The following PCNX4 variants were observed in gnomAD, a reference collection of about 807,000 sequenced individuals.
PCNX4 encodes the protein pecanex-like protein 4.
In PCNX4, 103 loss-of-function variants were observed where a neutral mutation model predicts 107.2. That is an observed-to-expected ratio of 0.96 (90% confidence interval 0.82 to 1.13). PCNX4 has a LOEUF of 1.13. PCNX4 is among the 50% of genes most tolerant of loss of function. PCNX4 has a pLI of 0.00. For synonymous variants in PCNX4, 541 were observed against 481.7 expected (o/e 1.12, Z -1.61); for missense variants, 1,528 against 1,379.4 (o/e 1.11, Z -1.71).
At chr14:60,094,714 A>AC (rs1199870606) in intron 1 of PCNX4, among the ~76,000 whole-genome samples, 2 of 146,060 alleles carry the variant, frequency 1.4e-5, no homozygotes, top group East Asian at 4.1e-4. Context: ...ATTAAGCTGC[A>AC]CCCCCCACCT....
In PCNX4 at chr14:60,108,316, T is replaced by C; in HGVS notation, c.678T>C (p.Asp226=). The change falls in exon 2 of 11, where the codon GAT becomes GAC. Residue 226 remains aspartate (D), a synonymous_variant. Transcript: ENST00000406854. ...ATATTTTTTTCTTTGTTTCTGTGGA[T>C]CTGGCACACAGGTAAAAACCTACCA... ...PLYIFFFVSV[D]LAHRFVVNMP... is the part of the protein sequence containing the mutation. 1.9e-6 allele frequency: 3 copies of C among 1,605,834 alleles called. No homozygotes were observed. The highest frequency in any genetic ancestry group is 2.6e-6 in the Non-Finnish European group (3 of 1,176,416).
At position 60,142,691 on chromosome 14, in the gene PCNX4, C is replaced by T. The variant is rs1011948890; in HGVS notation, c.*8470C>T. On this transcript the variant is annotated 3_prime_UTR_variant, in exon 11 of 11. Coordinates refer to ENST00000406854, the MANE Select transcript of PCNX4 (RefSeq NM_001330177.2). This position sits in a 1 kb window ranked among gnomAD's most constrained non-coding sequence, Gnocchi z 4.7. Reference sequence around the variant, plus strand: ...GAAAATTACATGCCATAGAAAAATACCATACACAGGCCGGGAGCGGTGGCA... The same window carrying T: ...GAAAATTACATGCCATAGAAAAATATCATACACAGGCCGGGAGCGGTGGCA... 1 of 152,068 alleles carries T rather than the reference C, an allele frequency of 6.6e-6. No individual in the cohort carries two copies. Among genetic ancestry groups the T allele is most frequent in the African/African-American group, 2.4e-5 (1 of 41,372 alleles). The allele number at this position is 152,068 out of a possible 1,614,324, so 9.4% of individuals were successfully genotyped here.
chr14:60,125,375 A>G (rs546122567), intron 9 of PCNX4, 124 bp downstream of exon 9: 1 of 1,093,794 alleles, frequency 9.1e-7, no homozygotes, highest in Non-Finnish European at 1.2e-6. Context: ...TCAAAATGAA[A>G]AAAATGTTTC....
intron 7 of PCNX4, 27 bp from the exon 8 acceptor site, chr14:60,121,169 T>TTTTTTTTTTTTTG: frequency 6.7e-7 from 1 of 1,500,232 alleles, no homozygotes; most frequent in Non-Finnish European, 8.8e-7. Flanking sequence ...TTCTTTTTTT[T>TTTTTTTTTTTTTG]TTTTTTTTTT....
At chr14:60,114,413 G>A (rs1895799600) in intron 2 of PCNX4, among the ~76,000 whole-genome samples, 2 of 152,200 alleles carry the variant, frequency 1.3e-5, no homozygotes, top group Admixed American at 6.5e-5. Context: ...ACTACTCAGT[G>A]ATGGCTTTTA....
chr14:60,100,266 G>GC (rs1895505044), intron 1 of PCNX4, among the ~76,000 whole-genome samples: 1 of 151,050 alleles, frequency 6.6e-6, no homozygotes, highest in Non-Finnish European at 1.5e-5. Context: ...ACACACACAC[G>GC]CCCCCAAACA....
intron 1 of PCNX4, among the ~76,000 whole-genome samples, chr14:60,099,525 T>C (rs1895490048): frequency 6.6e-6 from 1 of 152,212 alleles, no homozygotes; most frequent in African/African-American, 2.4e-5. Context: ...AAAACAGTTA[T>C]TTGAAGGGAA....
chr14:60,123,405 G>A (rs1301143685), intron 8 of PCNX4, among the ~76,000 whole-genome samples: 1 of 152,072 alleles, frequency 6.6e-6, no homozygotes, highest in African/African-American at 2.4e-5. Flanking sequence ...CTCAGAGAGG[G>A]TAGGTGACCT....
rs1896215780 is a variant in PCNX4, at chr14:60,134,677, T to G, written c.*456T>G. Reference sequence around the variant, plus strand: ...GTATATATTTGTTTGAAATATAATTTATAGTATTTTCAAATGTGCTGATTT... The same window carrying G: ...GTATATATTTGTTTGAAATATAATTGATAGTATTTTCAAATGTGCTGATTT... On this transcript the variant is annotated 3_prime_UTR_variant, in exon 11 of 11. Transcript: ENST00000406854. The G allele has an allele frequency of 6.6e-6, 1 of 152,608 alleles. No homozygotes were observed. The highest frequency in any genetic ancestry group is 6.5e-5 in the Admixed American group (1 of 15,300). The allele number at this position is 152,608 out of a possible 1,614,324, so 9.5% of individuals were successfully genotyped here.
In PCNX4 at chr14:60,124,314, T is replaced by A; in HGVS notation, c.2143T>A (p.Cys715Ser). The A allele has an allele frequency of 6.2e-7, 1 of 1,611,500 alleles. No homozygotes were observed. The highest frequency in any genetic ancestry group is 1.7e-5 in the Admixed American group (1 of 59,500). The stretch of plus-strand genomic sequence containing the variant: ...TTTTGAGCAAGAATACACAAGAGTA[T>A]GTTCCCTTAATGAACACTTTGGAAA... Reference protein sequence around the residue: ...DAFEQEYTRVCSLNEHFGNVL... With the variant: ...DAFEQEYTRVSSLNEHFGNVL... The change falls in exon 9 of 11, where the codon TGT (cysteine) becomes AGT (serine). Residue 715 changes from cysteine (C) to serine (S), a missense_variant. By Grantham distance (112) the Cys-to-Ser change is moderately radical. Transcript: ENST00000406854.
In PCNX4 at chr14:60,139,632, A is replaced by G. The variant is rs1201355383; in HGVS notation, c.*5411A>G. The G allele has an allele frequency of 6.6e-6, 1 of 152,138 alleles. No homozygotes were observed. Among genetic ancestry groups the G allele is most frequent in the Admixed American group, 6.5e-5 (1 of 15,276 alleles). The allele number at this position is 152,138 out of a possible 1,614,324, so 9.4% of individuals were successfully genotyped here. On this transcript the variant is annotated 3_prime_UTR_variant, in exon 11 of 11. Coordinates refer to ENST00000406854, the MANE Select transcript of PCNX4 (RefSeq NM_001330177.2). Reference sequence around the variant, plus strand: ...TTGGCATATATGAAACAGAATACCCAACAACTGCAAAATACACATTATTTT... The same window carrying G: ...TTGGCATATATGAAACAGAATACCCGACAACTGCAAAATACACATTATTTT...
rs1443733720 is a variant in PCNX4 at position 60,135,626 on chromosome 14, C to T, written c.*1405C>T. ...GGGGTGCAGTGGCACGATCTCAGCT[C>T]ACTGCAACCTCCGCCTTCTGGGTTC... On this transcript the variant is annotated 3_prime_UTR_variant, in exon 11 of 11. Coordinates refer to ENST00000406854, the MANE Select transcript of PCNX4 (RefSeq NM_001330177.2). The T allele has an allele frequency of 6.6e-6, 1 of 151,992 alleles. No homozygotes were observed. The highest frequency in any genetic ancestry group is 1.9e-4 in the East Asian group (1 of 5,180). The allele number at this position is 151,992 out of a possible 1,614,324, so 9.4% of individuals were successfully genotyped here. A position where few individuals can be genotyped will look rare whatever the true frequency, so the allele number is the denominator to read the frequency against.
intron 7 of PCNX4, among the ~76,000 whole-genome samples, 164 bp from the exon 8 acceptor site, chr14:60,121,032 C>T (rs1274051827): frequency 6.6e-6 from 1 of 152,006 alleles, no homozygotes; most frequent in Non-Finnish European, 1.5e-5. Context: ...TTTAATGCCT[C>T]CTGATACACA....
In PCNX4 at chr14:60,146,002, T is replaced by C. The variant is rs191431445; in HGVS notation, c.*11781T>C. ...AGCATTTTCTTAACTTAGACGCTTATCAATAAGAAAATTTATATATATACA... is the reference window on the plus strand; with the variant it reads ...AGCATTTTCTTAACTTAGACGCTTACCAATAAGAAAATTTATATATATACA... On this transcript the variant is annotated 3_prime_UTR_variant, in exon 11 of 11. Coordinates refer to ENST00000406854, the MANE Select transcript of PCNX4 (RefSeq NM_001330177.2). This position sits in a 1 kb window ranked among gnomAD's most constrained non-coding sequence, Gnocchi z 4.9. 17 of 149,724 alleles carry C rather than the reference T, an allele frequency of 1.1e-4. No individual in the cohort carries two copies. Among genetic ancestry groups the C allele is most frequent in the Non-Finnish European group, 8.9e-5 (6 of 67,494 alleles). 9.3% of individuals were successfully genotyped at this position (149,724 alleles called of 1,614,324 possible).
Position 60,134,119 on chromosome 14 carries a change from A to G in PCNX4, c.3417A>G (p.Gln1139=), listed in dbSNP as rs1441353271. ...TNDDEERYSI[Q]AHPLLLRNLT... ...ATGATGAAGAACGTTATAGTATACA[A>G]GCTCATCCACTACTTTTAAGAAATC... is the stretch of plus-strand genomic sequence containing the variant. Residue 1139 remains glutamine, a synonymous_variant, in exon 11 of 11, where the codon CAA becomes CAG. Coordinates refer to ENST00000406854, the MANE Select transcript of PCNX4 (RefSeq NM_001330177.2). The G allele has an allele frequency of 1.9e-6, 3 of 1,613,928 alleles. No individual in the cohort carries two copies. The South Asian group carries it at 3.3e-5, about 18-fold the overall frequency.
Position 60,115,344 on chromosome 14 carries a change from A to G in PCNX4, c.1240A>G (p.Ile414Val). Reference protein sequence around the residue: ...ILREIQSVYIIGIFRNPFYPK... With the variant: ...ILREIQSVYIVGIFRNPFYPK... ...TAGAGAAATTCAAAGCGTATATATC[A>G]TTGGAATTTTCCGAAATCCCTTTTA... The change falls in exon 4 of 11, where the codon ATT (isoleucine) becomes GTT (valine). Residue 414 changes from isoleucine to valine, a missense_variant. Physicochemically the swap from Ile to Val is conservative, Grantham distance 29 (BLOSUM62 3). Coordinates refer to ENST00000406854, the MANE Select transcript of PCNX4 (RefSeq NM_001330177.2). 1.2e-6 allele frequency: 2 copies of G among 1,605,314 alleles called. No individual in the cohort carries two copies. The highest frequency in any genetic ancestry group is 8.5e-7 in the Non-Finnish European group (1 of 1,174,788).
chr14:60,094,318 T>TC (rs35244239), intron 1 of PCNX4, among the ~76,000 whole-genome samples: 112,362 of 151,970 alleles, frequency 0.74, 43,994 homozygotes, highest in Non-Finnish European at 0.87. Context: ...AGAACCCTAT[T>TC]CCCCCAAGTT....
chr14:60,108,536 T>TA, intron 2 of PCNX4: 1 of 378,832 alleles, frequency 2.6e-6, no homozygotes, highest in Non-Finnish European at 4.8e-6. Context: ...AGAGTTTTTT[T>TA]AAAAAACCCT....
chr14:60,115,446 A>G lies in PCNX4; in HGVS notation c.1342A>G (p.Ile448Val). Residue 448 changes from isoleucine to valine, a missense_variant, in exon 4 of 11, where the codon ATT (isoleucine) becomes GTT (valine). Transcript: ENST00000406854. The stretch of plus-strand genomic sequence containing the variant: ...CATGAAGATTGGTATTGTCAGACGG[A>G]TTTTGCTAACTTTAGGTAGGAAGAT... ...RLMKIGIVRR[I>V]LLTLVSPFAM... 6.6e-7 allele frequency: 1 copy of G among 1,525,924 alleles called. No individual in the cohort carries two copies. The highest frequency in any genetic ancestry group is 8.8e-7 in the Non-Finnish European group (1 of 1,142,108). The allele number at this position is 1,525,924 out of a possible 1,614,324, so 94.5% of individuals were successfully genotyped here. A position where few individuals can be genotyped will look rare whatever the true frequency, so the allele number is the denominator to read the frequency against.
Sources: allele counts gnomAD v4.1 joint callset (sites outside exome capture counted in the v4.1 genomes callset), GRCh38; gene constraint gnomAD v4.1.1; non-coding constraint Gnocchi (gnomAD v3.1); transcripts MANE v1.5; gene names NCBI Gene and HGNC (gene_info 2026-07-23, HGNC 2026-07-21).